Variants in NPLOC4 observed in about 807,000 individuals in gnomAD.
NPLOC4 encodes nuclear protein localization protein 4 homolog.
Under a neutral mutation model 80.6 loss-of-function variants are expected in NPLOC4, and 18 were observed. That is an observed-to-expected ratio of 0.22 (90% CI 0.15 to 0.33). NPLOC4 has a LOEUF of 0.33. NPLOC4 is among the 10% of genes least tolerant of loss of function. The pLI, the probability that NPLOC4 is intolerant of heterozygous loss-of-function variation, is 1.00. For synonymous variants in NPLOC4, 313 were observed against 301.5 expected, an observed-to-expected ratio of 1.04 and a Z score of -0.39; for missense variants, 540 against 786.1, an observed-to-expected ratio of 0.69 and a Z score of 3.74.
chr17:81,565,204 A>G (rs902762279), intron 16 of NPLOC4: 9 of 632,064 alleles, frequency 1.4e-5, no homozygotes, highest in Admixed American at 8.3e-5. Context: ...TCTTAAGACA[A>G]TGATGTTCAA....
At chr17:81,630,697 G>C (rs1412029096) in intron 1 of NPLOC4, among the ~76,000 whole-genome samples, 1 of 152,002 alleles carries the variant, frequency 6.6e-6, no homozygotes, top group Non-Finnish European at 1.5e-5. Flanking sequence ...TGGGCAACAT[G>C]GGGAAACCCC....
intron 4 of NPLOC4, among the ~76,000 whole-genome samples, chr17:81,611,029 T>C (rs1256464633): frequency 6.7e-6 from 1 of 149,462 alleles, no homozygotes; most frequent in Non-Finnish European, 1.5e-5. Flanking sequence ...TCAATGTAAG[T>C]AGTTTATTGG....
chr17:81,592,432 A>C (rs541927241), intron 11 of NPLOC4, among the ~76,000 whole-genome samples: 2 of 152,280 alleles, frequency 1.3e-5, no homozygotes, highest in East Asian at 3.9e-4. Context: ...CTGAGCACCA[A>C]GAGGGGTGAT....
intron 3 of NPLOC4, 80 bp downstream of exon 3, chr17:81,622,086 G>T: frequency 1.0e-6 from 1 of 958,826 alleles, no homozygotes; most frequent in Non-Finnish European, 1.7e-6. Context: ...GAGGAAAGAG[G>T]ATAAAACTCG....
At chr17:81,598,114 A>T (rs923153588) in intron 9 of NPLOC4, among the ~76,000 whole-genome samples, 1 of 151,598 alleles carries the variant, frequency 6.6e-6, no homozygotes, top group East Asian at 1.9e-4. Context: ...AAAAAAAAAA[A>T]AGATAGATGA....
chr17:81,592,049 T>C (rs2034763710), intron 11 of NPLOC4, among the ~76,000 whole-genome samples: 1 of 152,112 alleles, frequency 6.6e-6, no homozygotes, highest in Non-Finnish European at 1.5e-5. Context: ...TGAAGCCTCA[T>C]GCCAGAGAAT....
At chr17:81,616,515 G>A (rs972496584) in intron 3 of NPLOC4, among the ~76,000 whole-genome samples, 1 of 151,804 alleles carries the variant, frequency 6.6e-6, no homozygotes, top group Admixed American at 6.6e-5. Context: ...AGGATCATGA[G>A]GTCAGGAGAT....
At position 81,572,007 on chromosome 17, in the gene NPLOC4, G is replaced by A. The variant is rs981952607; in HGVS notation, c.1353+10C>T. On this transcript the variant is annotated intron_variant, in intron 13 of 16. Transcript: ENST00000331134. The surrounding 1 kb of genome is among the most constrained non-coding windows in gnomAD (Gnocchi z 4.5). ...TCCACCTGCCCAAGCTGTGCATGGG[G>A]GGCACTTACGTCTATGATGAGATAC... 8.8e-6 allele frequency: 14 copies of A among 1,593,974 alleles called. No homozygotes were observed. The highest frequency in any genetic ancestry group is 1.4e-5 in the African/African-American group (1 of 73,846).
chr17:81,616,546 C>G (rs555878558), intron 3 of NPLOC4, among the ~76,000 whole-genome samples: 3 of 151,472 alleles, frequency 2.0e-5, no homozygotes. Flanking sequence ...CTGGCTAACA[C>G]GGTGAAACCC....
intron 12 of NPLOC4, among the ~76,000 whole-genome samples, chr17:81,578,423 T>C (rs2034357091): frequency 6.6e-6 from 1 of 152,228 alleles, no homozygotes; most frequent in African/African-American, 2.4e-5. Flanking sequence ...GCCCCAGGCC[T>C]AACACCTGAC....
chr17:81,589,018 A>G lies in NPLOC4; in HGVS notation c.1207T>C (p.Cys403Arg). Residue 403 changes from cysteine to arginine, a missense_variant, in exon 12 of 17, where the codon TGC (cysteine) becomes CGC (arginine). Physicochemically the swap from Cys to Arg is radical, Grantham distance 180. Transcript: ENST00000331134. The stretch of plus-strand genomic sequence containing the variant: ...TAGCCAAGCTCCGGGGCGTCCTTGC[A>G]TGGCAGCAAACACTCATCACGGACC... Reference protein sequence around the residue: ...ALVRDECLLPCKDAPELGYAK... With the variant: ...ALVRDECLLPRKDAPELGYAK... 6.2e-7 allele frequency: 1 copy of G among 1,614,016 alleles called. No homozygotes were observed. The highest frequency in any genetic ancestry group is 8.5e-7 in the Non-Finnish European group (1 of 1,179,864).
chr17:81,608,649 C>T lies in NPLOC4; in HGVS notation c.530+79G>A, dbSNP rs1381551928. 5.8e-5 allele frequency: 58 copies of T among 996,136 alleles called. No homozygotes were observed. The East Asian group carries it at 1.4e-3, about 24-fold the overall frequency. The allele number at this position is 996,136 out of a possible 1,614,324, so 61.7% of individuals were successfully genotyped here. A position where few individuals can be genotyped will look rare whatever the true frequency, so the allele number is the denominator to read the frequency against. On this transcript the variant is annotated intron_variant, in intron 6 of 16. Transcript: ENST00000331134. ...CTCATCTTTACTTCTCTCATTCACACGTTCACTGGCTATAAGCAACAACTG... is the reference window on the plus strand; with the variant it reads ...CTCATCTTTACTTCTCTCATTCACATGTTCACTGGCTATAAGCAACAACTG...
At chr17:81,575,286 A>G (rs2034267741) in intron 12 of NPLOC4, among the ~76,000 whole-genome samples, 1 of 152,094 alleles carries the variant, frequency 6.6e-6, no homozygotes, top group Non-Finnish European at 1.5e-5. Flanking sequence ...ATTTTTTAGT[A>G]GAGACGGGGT....
At chr17:81,563,888 A>G (rs988033539) in intron 16 of NPLOC4, 4 of 453,628 alleles carry the variant, frequency 8.8e-6, no homozygotes, top group South Asian at 1.6e-5. Flanking sequence ...GTTTTCATTT[A>G]TAAGTGGGAG....
chr17:81,608,364 G>A (rs2035257601), intron 6 of NPLOC4, among the ~76,000 whole-genome samples: 2 of 152,340 alleles, frequency 1.3e-5, no homozygotes, highest in Middle Eastern at 3.4e-3. Context: ...ATACTGCACT[G>A]TGGCCACGCA....
intron 16 of NPLOC4, chr17:81,564,119 A>G (rs973055568): frequency 6.1e-6 from 1 of 164,534 alleles, no homozygotes; most frequent in African/African-American, 4.4e-5. Flanking sequence ...CACACACACA[A>G]AGAGCAGGGC....
At chr17:81,592,228 T>A (rs571612116) in intron 11 of NPLOC4, among the ~76,000 whole-genome samples, 1 of 152,286 alleles carries the variant, frequency 6.6e-6, no homozygotes, top group African/African-American at 2.4e-5. Context: ...GGGACGGGAA[T>A]GCAACAAGTA....
At chr17:81,559,728 T>C (rs80220350) in intron 16 of NPLOC4, among the ~76,000 whole-genome samples, 2 of 13,296 alleles carry the variant, frequency 1.5e-4, no homozygotes, top group Admixed American at 9.7e-4. Context: ...TGTTTCCAGC[T>C]TTTTTTTTTT....
At chr17:81,624,482 C>A (rs1259904440) in intron 2 of NPLOC4, among the ~76,000 whole-genome samples, 1 of 152,046 alleles carries the variant, frequency 6.6e-6, no homozygotes, top group Non-Finnish European at 1.5e-5. Context: ...GCCTACAGTC[C>A]CAGCTAGTCG....
Sources: allele counts gnomAD v4.1 joint callset (sites outside exome capture counted in the v4.1 genomes callset), GRCh38; gene constraint gnomAD v4.1.1; non-coding constraint Gnocchi (gnomAD v3.1); transcripts MANE v1.5; gene names NCBI Gene and HGNC (gene_info 2026-07-23, HGNC 2026-07-21).